Variants in RBFOX1 observed in about 807,000 individuals in gnomAD.
The protein encoded by RBFOX1 is RNA binding fox-1 homolog 1, also known as RNA binding protein fox-1 homolog 1.
Under a neutral mutation model 57.7 loss-of-function variants are expected in RBFOX1, and 8 were observed. The ratio of observed to expected loss-of-function variants is 0.14; its 90% CI spans 0.08 to 0.25. The LOEUF (loss-of-function observed/expected upper bound fraction) is 0.25. Ranked by LOEUF, RBFOX1 falls within the 10% of genes least tolerant of loss-of-function variation. RBFOX1 has a pLI of 1.00. For missense variants in RBFOX1, 611 were observed against 548.5 expected, an observed-to-expected ratio of 1.11 and a Z score of -1.14; for synonymous variants, 326 against 222.4, an observed-to-expected ratio of 1.47 and a Z score of -4.15.
intron 1 of RBFOX1, among the ~76,000 whole-genome samples, chr16:6,084,357 C>T (rs1013390494): frequency 1.3e-5 from 2 of 152,114 alleles, no homozygotes; most frequent in African/African-American, 4.8e-5. Flanking sequence ...GATCCCTTCA[C>T]CTCAGCCTCC....
intron 5 of RBFOX1, among the ~76,000 whole-genome samples, chr16:7,530,008 CAA>C (rs35251344): frequency 1.6e-5 from 2 of 125,064 alleles, no homozygotes; most frequent in Non-Finnish European, 1.6e-5. Context: ...GACTCCATCT[CAA>C]AAAAAAAAAA....
chr16:6,939,665 C>T (rs775933096), intron 3 of RBFOX1, among the ~76,000 whole-genome samples: 7 of 151,892 alleles, frequency 4.6e-5, no homozygotes, highest in Non-Finnish European at 1.0e-4. Flanking sequence ...CCGTGTGCTA[C>T]CATACCCAGC....
In RBFOX1 at chr16:7,460,389, A is replaced by ATATATATATG; in HGVS notation, c.28-57757_28-57756insATATATATGT. Among the ~76,000 whole-genome samples the ATATATATATG allele has an allele frequency of 1.9e-4, 17 of 87,214 alleles. 1 individual carries two copies. Among genetic ancestry groups the ATATATATATG allele is most frequent in the African/African-American group, 9.8e-4 (15 of 15,366 alleles). 57.2% of individuals were successfully genotyped at this position (87,214 alleles called of 152,430 possible). ...TAGCAAAATATATATATATATATAT[A>ATATATATATG]TGTGTGTGTGTGTGTGTGTGTGTGT... On this transcript the variant is annotated intron_variant, in intron 4 of 15. Coordinates refer to ENST00000550418, the MANE Select transcript of RBFOX1 (RefSeq NM_018723.4).
intron 4 of RBFOX1, among the ~76,000 whole-genome samples, chr16:5,878,865 T>C (rs1358084269): frequency 6.6e-6 from 1 of 152,222 alleles, no homozygotes; most frequent in Non-Finnish European, 1.5e-5. Context: ...TGGAACAAAA[T>C]TGGTAAACTC....
chr16:7,460,258 C>T (rs2059289745), intron 4 of RBFOX1, among the ~76,000 whole-genome samples: 1 of 151,190 alleles, frequency 6.6e-6, no homozygotes, highest in African/African-American at 2.4e-5. Flanking sequence ...AAAAATATCC[C>T]TGTTTAATTT....
intron 2 of RBFOX1, among the ~76,000 whole-genome samples, chr16:6,579,102 T>A (rs1265642172): frequency 6.6e-6 from 1 of 152,196 alleles, no homozygotes; most frequent in African/African-American, 2.4e-5. Context: ...ACTGAAATGA[T>A]GTTATGTTTT....
chr16:6,083,274 A>G (rs571468541), intron 1 of RBFOX1, among the ~76,000 whole-genome samples: 1 of 152,282 alleles, frequency 6.6e-6, no homozygotes, highest in Non-Finnish European at 1.5e-5. Context: ...AAGTTCTAGG[A>G]TTACAGGCGT....
intron 4 of RBFOX1, among the ~76,000 whole-genome samples, chr16:7,269,651 T>C (rs2095268438): frequency 6.6e-6 from 1 of 152,230 alleles, no homozygotes; most frequent in African/African-American, 2.4e-5. Context: ...TTATTACCTC[T>C]GTTGTTATTG....
At chr16:6,516,555 C>G (rs1375366107) in intron 2 of RBFOX1, among the ~76,000 whole-genome samples, 2 of 152,096 alleles carry the variant, frequency 1.3e-5, no homozygotes, top group Admixed American at 6.6e-5. Flanking sequence ...TTTTATAACC[C>G]TAGCACTTTG....
intron 4 of RBFOX1, among the ~76,000 whole-genome samples, chr16:7,407,896 C>G (rs879486245): frequency 2.0e-5 from 3 of 152,170 alleles, no homozygotes; most frequent in Non-Finnish European, 2.9e-5. Context: ...ATTATGGGAA[C>G]ACAGCCATGC....
intron 3 of RBFOX1, among the ~76,000 whole-genome samples, chr16:5,798,654 G>A (rs538854418): frequency 6.6e-6 from 1 of 152,228 alleles, no homozygotes; most frequent in Non-Finnish European, 1.5e-5. Flanking sequence ...TGAAATATAT[G>A]TGTGTCAAAT....
At chr16:7,204,834 C>T (rs1350529817) in intron 4 of RBFOX1, among the ~76,000 whole-genome samples, 2 of 152,180 alleles carry the variant, frequency 1.3e-5, no homozygotes, top group Non-Finnish European at 2.9e-5. Context: ...TTCCCCTCCG[C>T]ACAGTTTCTG....
chr16:5,434,138 T>C (rs1047921305), intron 1 of RBFOX1, among the ~76,000 whole-genome samples: 16 of 152,234 alleles, frequency 1.1e-4, no homozygotes, highest in African/African-American at 3.9e-4. Flanking sequence ...CTGCCAGTCA[T>C]AGCTGCGTTT....
chr16:7,076,828 G>C (rs374669423), intron 4 of RBFOX1, among the ~76,000 whole-genome samples: 2 of 152,124 alleles, frequency 1.3e-5, no homozygotes, highest in East Asian at 3.9e-4. Context: ...GTGAGCCCTG[G>C]GGATAATGAC....
chr16:6,237,962 G>A (rs1423928740), intron 1 of RBFOX1, among the ~76,000 whole-genome samples: 3 of 151,440 alleles, frequency 2.0e-5, no homozygotes, highest in Non-Finnish European at 2.9e-5. Context: ...GTGGTGATGC[G>A]TGCCTGTAGT....
In RBFOX1 at chr16:7,187,977, C is replaced by T. The variant is rs372373595; in HGVS notation, c.27+135879C>T. On this transcript the variant is annotated intron_variant, in intron 4 of 15. Transcript: ENST00000550418. Reference sequence around the variant, plus strand: ...ATCAACTCACAGAGAGAACAAATCTCGAGAATGTATCTGACTGTGTGCTAG... The same window carrying T: ...ATCAACTCACAGAGAGAACAAATCTTGAGAATGTATCTGACTGTGTGCTAG... Among the ~76,000 whole-genome samples, 185 of 152,260 alleles carry T rather than the reference C, an allele frequency of 1.2e-3. 1 individual carries two copies. The highest frequency in any genetic ancestry group is 4.0e-3 in the African/African-American group (168 of 41,572).
intron 2 of RBFOX1, among the ~76,000 whole-genome samples, chr16:5,520,284 T>G (rs576270919): frequency 6.6e-6 from 1 of 152,080 alleles, no homozygotes; most frequent in Non-Finnish European, 1.5e-5. Context: ...ATTAGAAAAT[T>G]TTCATGTTCA....
intron 1 of RBFOX1, among the ~76,000 whole-genome samples, chr16:6,111,032 C>T (rs148116079): frequency 6.6e-6 from 1 of 152,058 alleles, no homozygotes; most frequent in South Asian, 2.1e-4. Flanking sequence ...AAGAGATTCT[C>T]ATGGGTTATA....
At chr16:5,654,494 T>C (rs1321200832) in intron 3 of RBFOX1, among the ~76,000 whole-genome samples, 1 of 152,144 alleles carries the variant, frequency 6.6e-6, no homozygotes, top group East Asian at 1.9e-4. Flanking sequence ...TCTTCCTTCT[T>C]TGTGGTGTTT....
Sources: allele counts gnomAD v4.1 joint callset (sites outside exome capture counted in the v4.1 genomes callset), GRCh38; gene constraint gnomAD v4.1.1; transcripts MANE v1.5; gene names NCBI Gene and HGNC (gene_info 2026-07-23, HGNC 2026-07-21).